Variants in XKR9 observed in about 807,000 individuals in gnomAD.
The protein encoded by XKR9 is XK-related protein 9.
Under a neutral mutation model 32.0 loss-of-function variants are expected in XKR9, and 32 were observed. The ratio of observed to expected loss-of-function variants is 1.00; its 90% CI spans 0.76 to 1.34. The LOEUF is 1.34. Ranked by LOEUF, XKR9 falls within the 40% of genes most tolerant of loss-of-function variation. The probability of loss-of-function intolerance (pLI) is 0.00; values close to 1 mark genes in which losing one functional copy is unlikely to be tolerated. For missense variants in XKR9, 546 were observed against 429.7 expected, an observed-to-expected ratio of 1.27 and a Z score of -2.39; for synonymous variants, 168 against 143.4, an observed-to-expected ratio of 1.17 and a Z score of -1.22.
intron 3 of XKR9, among the ~76,000 whole-genome samples, chr8:70,694,488 A>T (rs1010350974): frequency 2.6e-5 from 4 of 152,132 alleles, no homozygotes; most frequent in African/African-American, 9.7e-5. Flanking sequence ...TGCCCAGCGA[A>T]AAAGAATGGG....
chr8:70,770,374 T>C (rs1454005733), intron 2 of XKR9, among the ~76,000 whole-genome samples: 1 of 152,194 alleles, frequency 6.6e-6, no homozygotes, highest in East Asian at 1.9e-4. Context: ...ATGAGGTGTC[T>C]GTCGACCCCT....
intron 1 of XKR9, among the ~76,000 whole-genome samples, chr8:70,670,025 A>G (rs1298196590): frequency 1.3e-5 from 2 of 152,218 alleles, no homozygotes; most frequent in Non-Finnish European, 2.9e-5. Flanking sequence ...ACTTCCTACT[A>G]TGCCTAAGTG....
chr8:70,982,166 T>G, the XKR9 span, among the ~76,000 whole-genome samples: 1 of 152,246 alleles, frequency 6.6e-6, no homozygotes, highest in African/African-American at 2.4e-5. Flanking sequence ...GCTGAGGTAC[T>G]GTAGGGAAGA....
chr8:70,700,886 A>G (rs1483103469), intron 3 of XKR9, among the ~76,000 whole-genome samples: 1 of 152,158 alleles, frequency 6.6e-6, no homozygotes, highest in Non-Finnish European at 1.5e-5. Context: ...AGCCTGGGCA[A>G]TGGTGGGCAC....
intron 4 of XKR9, among the ~76,000 whole-genome samples, chr8:70,730,435 A>T (rs1431802229): frequency 6.6e-6 from 1 of 152,096 alleles, no homozygotes; most frequent in Non-Finnish European, 1.5e-5. Flanking sequence ...TAAATTTCTT[A>T]TTACCAGACT....
At chr8:70,758,693 T>C (rs1484917440) in intron 2 of XKR9, among the ~76,000 whole-genome samples, 1 of 152,222 alleles carries the variant, frequency 6.6e-6, no homozygotes, top group Non-Finnish European at 1.5e-5. Context: ...TATTTAGACA[T>C]TGCTCTTTTA....
chr8:70,720,740 G>A (rs1233634839), intron 4 of XKR9, among the ~76,000 whole-genome samples: 3 of 152,128 alleles, frequency 2.0e-5, no homozygotes, highest in African/African-American at 7.2e-5. Flanking sequence ...TGTTCATCAG[G>A]GATATTGGCC....
downstream of XKR9, among the ~76,000 whole-genome samples, chr8:70,795,312 G>GCT (rs1178911754): frequency 4.0e-5 from 6 of 151,772 alleles, no homozygotes; most frequent in Admixed American, 3.9e-4. Flanking sequence ...ATAGGATCTC[G>GCT]CTTATAGCTG....
the XKR9 span, among the ~76,000 whole-genome samples, chr8:70,880,900 A>G: frequency 6.6e-6 from 1 of 152,236 alleles, no homozygotes; most frequent in Admixed American, 6.5e-5. Context: ...CCAAAACAGC[A>G]TGGTACTGGT....
chr8:70,973,592 T>C, the XKR9 span, among the ~76,000 whole-genome samples: 1 of 152,150 alleles, frequency 6.6e-6, no homozygotes, highest in South Asian at 2.1e-4. Flanking sequence ...TGTAGGCATT[T>C]AATTAATGCT....
chr8:70,708,347 G>T (rs1174856752), intron 4 of XKR9, among the ~76,000 whole-genome samples: 3 of 152,028 alleles, frequency 2.0e-5, no homozygotes, highest in Non-Finnish European at 2.9e-5. Context: ...ATGAGATCCA[G>T]CTATCTTTAT....
At chr8:70,767,390 G>A (rs1007939187) in intron 2 of XKR9, among the ~76,000 whole-genome samples, 4 of 151,884 alleles carry the variant, frequency 2.6e-5, no homozygotes, top group African/African-American at 9.7e-5. Context: ...TTTGCGTAGA[G>A]GTGTTTATAG....
chr8:70,743,615 C>T (rs960340599), intron 2 of XKR9, among the ~76,000 whole-genome samples: 1 of 152,104 alleles, frequency 6.6e-6, no homozygotes, highest in African/African-American at 2.4e-5. Context: ...TGAGCTGCAT[C>T]GAGTCTTCCC....
the XKR9 span, among the ~76,000 whole-genome samples, chr8:71,064,382 A>C: frequency 1.7e-4 from 26 of 152,280 alleles, no homozygotes; most frequent in African/African-American, 6.0e-4. Context: ...TAATAGTGAA[A>C]ATATTTTATA....
chr8:70,912,003 G>A, the XKR9 span, among the ~76,000 whole-genome samples: 2 of 152,172 alleles, frequency 1.3e-5, no homozygotes, highest in Non-Finnish European at 2.9e-5. Flanking sequence ...ACACCTGAAA[G>A]ATGGATATGA....
At chr8:70,812,622 A>C in the XKR9 span, among the ~76,000 whole-genome samples, 7 of 152,212 alleles carry the variant, frequency 4.6e-5, no homozygotes, top group Non-Finnish European at 5.9e-5. Flanking sequence ...ATGTACAAAA[A>C]TTACAAGCAT....
intron 4 of XKR9, among the ~76,000 whole-genome samples, chr8:70,707,671 T>G (rs1805768065): frequency 6.6e-6 from 1 of 152,026 alleles, no homozygotes; most frequent in Non-Finnish European, 1.5e-5. Context: ...ATAAATCACT[T>G]GCATGTAAAA....
chr8:70,968,733 C>A, the XKR9 span, among the ~76,000 whole-genome samples: 2 of 152,156 alleles, frequency 1.3e-5, no homozygotes, highest in Non-Finnish European at 2.9e-5. Context: ...CCACTCCAGA[C>A]CTCATTTGCC....
intron 4 of XKR9, among the ~76,000 whole-genome samples, chr8:70,720,484 G>C (rs778259722): frequency 6.6e-6 from 1 of 152,104 alleles, no homozygotes; most frequent in South Asian, 2.1e-4. Flanking sequence ...TCAATACCTA[G>C]TTTATTGAGT....
Sources: allele counts gnomAD v4.1 joint callset (sites outside exome capture counted in the v4.1 genomes callset), GRCh38; gene constraint gnomAD v4.1.1; transcripts MANE v1.5; gene names NCBI Gene and HGNC (gene_info 2026-07-23, HGNC 2026-07-21).